GSDMD: variants seen among roughly 807,000 people sequenced by gnomAD.
The protein encoded by GSDMD is gasdermin-D.
Under a neutral mutation model 46.7 loss-of-function variants are expected in GSDMD, and 46 were observed. That is an observed-to-expected ratio of 0.99 (90% CI 0.78 to 1.26). The LOEUF (loss-of-function observed/expected upper bound fraction) is 1.26, where lower values mean the gene tolerates loss of function less well. Among genes scored for constraint, GSDMD ranks in the 50% most tolerant of loss-of-function variants. The pLI is 0.00. For missense variants in GSDMD, 649 were observed against 638.8 expected, an observed-to-expected ratio of 1.02 and a Z score of -0.17; for synonymous variants, 307 against 283.1, an observed-to-expected ratio of 1.08 and a Z score of -0.85.
chr8:143,560,318 C>T, intron 3 of GSDMD: 1 of 688,460 alleles, frequency 1.5e-6, no homozygotes, highest in Non-Finnish European at 2.7e-6. Context: ...ATCCTAAGGA[C>T]CGGACTGAGC....
chr8:143,556,656 G>C (rs759302010), upstream of GSDMD, among the ~76,000 whole-genome samples: 1 of 151,952 alleles, frequency 6.6e-6, no homozygotes, highest in Non-Finnish European at 1.5e-5. Flanking sequence ...GAGTGGGGCC[G>C]AAGCCCAAGT....
intron 1 of GSDMD, chr8:143,558,863 G>C (rs749331711): frequency 2.0e-5 from 10 of 512,564 alleles, no homozygotes; most frequent in South Asian, 1.6e-4. Flanking sequence ...GCCTTGGACA[G>C]GTGGCTCATG....
rs770681544 is a variant in GSDMD at position 143,559,720 on chromosome 8, T to G, written c.218-57T>G. ...TGCCCTGGGGCTGGGACAGGGCTGG[T>G]GGGGGCGGGGGAGAGGCGGGGCGCT... is the stretch of plus-strand genomic sequence containing the variant. On this transcript the variant is annotated intron_variant, in intron 2 of 10. Coordinates refer to ENST00000262580, the MANE Select transcript of GSDMD (RefSeq NM_024736.7). The G allele has an allele frequency of 1.5e-3, 2,265 of 1,510,534 alleles. 3 individuals are homozygous for G. Among genetic ancestry groups the G allele is most frequent in the Non-Finnish European group, 1.8e-3 (2,044 of 1,119,574 alleles). The allele number at this position is 1,510,534 out of a possible 1,614,324, so 93.6% of individuals were successfully genotyped here.
Position 143,561,122 on chromosome 8 carries a change from G to A in GSDMD, c.682+18G>A, listed in dbSNP as rs769297026. On this transcript the variant is annotated intron_variant, in intron 5 of 10. Transcript: ENST00000262580. ...TGACTTGGGTGAGCTGGAGTTGGGG[G>A]TGTCTCGGGCCCAGGCCCTGGCAGA... 191 of 1,606,012 alleles carry A rather than the reference G, an allele frequency of 1.2e-4. No individual in the cohort carries two copies. The Admixed American group carries it at 1.9e-3, about 16-fold the overall frequency.
In GSDMD at chr8:143,562,983, GGA is replaced by G. The variant is rs779203659; in HGVS notation, c.*81_*82del. Reference sequence around the variant, plus strand: ...CCAGCTGCTAGCCCTAGGAAGGCCAGGAGCCCAGTAGCCATGTGGCCAGTCTA... The same window carrying G: ...CCAGCTGCTAGCCCTAGGAAGGCCAGGCCCAGTAGCCATGTGGCCAGTCTA... On this transcript the variant is annotated 3_prime_UTR_variant, in exon 11 of 11. Transcript: ENST00000262580. 1 of 1,581,446 alleles carries G rather than the reference GGA, an allele frequency of 6.3e-7. No homozygotes were observed. The highest frequency in any genetic ancestry group is 8.6e-7 in the Non-Finnish European group (1 of 1,165,070).
At chr8:143,554,795 C>T (rs1034728595), upstream of GSDMD, among the ~76,000 whole-genome samples, 3 of 152,238 alleles carry the variant, frequency 2.0e-5, no homozygotes, top group East Asian at 1.9e-4. Context: ...TGCATACACA[C>T]GCGCACAAAC....
At chr8:143,557,904 T>C (rs1381170031), upstream of GSDMD, 21 of 445,322 alleles carry the variant, frequency 4.7e-5, no homozygotes, top group African/African-American at 3.8e-4. Context: ...TGTTTGCTTG[T>C]TTGTTTTTGA....
rs145248129 is a variant in GSDMD, at chr8:143,559,417, C to T, written c.82C>T (p.Leu28=). ...TGGGGAGTTCATCCCTGTGACCAGC[C>T]TGCAGAGCTCCACTGGCTTCCAGCC... ...HGGEFIPVTS[L]QSSTGFQPYC... is the part of the protein sequence containing the mutation. Residue 28 remains leucine, a synonymous_variant, in exon 2 of 11, where the codon CTG becomes TTG. Coordinates refer to ENST00000262580, the MANE Select transcript of GSDMD (RefSeq NM_024736.7). 6.2e-6 allele frequency: 10 copies of T among 1,612,844 alleles called. No homozygotes were observed. The African/African-American group carries it at 8.0e-5, about 13-fold the overall frequency.
Position 143,561,377 on chromosome 8 carries a change from T to C in GSDMD, c.690T>C (p.Leu230=), listed in dbSNP as rs1476404309. The C allele has an allele frequency of 6.2e-7, 1 of 1,609,666 alleles. No homozygotes were observed. The highest frequency in any genetic ancestry group is 2.2e-5 in the East Asian group (1 of 44,858). ...QLVIDSDLDV[L]LFPDKKQRTF... ...CTCCCGTCTGGCTGCCAGACGTCCT[T>C]CTCTTCCCGGATAAGAAGCAGAGGA... Residue 230 remains leucine, a synonymous_variant, in exon 6 of 11, where the codon CTT becomes CTC. Transcript: ENST00000262580.
intron 6 of GSDMD, 93 bp from the exon 7 acceptor site, chr8:143,561,649 G>A: frequency 1.8e-6 from 2 of 1,116,208 alleles, no homozygotes; most frequent in Non-Finnish European, 2.6e-6. Context: ...TGGTGAGCGG[G>A]GCTGTGACGG....
upstream of GSDMD, chr8:143,558,269 G>A (rs1287718531): frequency 2.7e-6 from 4 of 1,456,164 alleles, no homozygotes; most frequent in East Asian, 2.7e-5. Context: ...GGCGGGAAGA[G>A]GGGGCAGGAA....
chr8:143,557,255 G>A (rs896919367), upstream of GSDMD, among the ~76,000 whole-genome samples: 6 of 150,930 alleles, frequency 4.0e-5, no homozygotes, highest in African/African-American at 9.8e-5. Flanking sequence ...GTCTATGCAC[G>A]CCTCAGTGGA....
At chr8:143,556,889 A>G (rs1256701358), upstream of GSDMD, among the ~76,000 whole-genome samples, 1 of 152,254 alleles carries the variant, frequency 6.6e-6, no homozygotes, top group Non-Finnish European at 1.5e-5. Flanking sequence ...ATCCATTTAA[A>G]GTGTGCAATT....
In GSDMD at chr8:143,558,406, G is replaced by A; in HGVS notation, c.-50G>A. On this transcript the variant is annotated 5_prime_UTR_variant, in exon 1 of 11. Transcript: ENST00000262580. Reference sequence around the variant, plus strand: ...CTGCTCGCCGGACGGCTCCCAGGGAGAGCAGACGCGCCAGACGCGCCACCC... The same window carrying A: ...CTGCTCGCCGGACGGCTCCCAGGGAAAGCAGACGCGCCAGACGCGCCACCC... 1.3e-6 allele frequency: 2 copies of A among 1,512,178 alleles called. No individual in the cohort carries two copies. Among genetic ancestry groups the A allele is most frequent in the Non-Finnish European group, 1.8e-6 (2 of 1,136,948 alleles). 93.7% of individuals were successfully genotyped at this position (1,512,178 alleles called of 1,614,324 possible).
rs1341962217 is a variant in GSDMD at position 143,559,815 on chromosome 8, A to G, written c.256A>G (p.Met86Val). Residue 86 changes from methionine (M) to valine (V), a missense_variant, in exon 3 of 11, where the codon ATG becomes GTG. Met to Val is a conservative substitution (Grantham distance 21). Transcript: ENST00000262580. ...CAGGAGCTTCCACTTCTACGATGCC[A>G]TGGATGGGCAGATACAGGGCAGCGT... ...RGRSFHFYDA[M>V]DGQIQGSVEL... 5.6e-6 allele frequency: 9 copies of G among 1,609,980 alleles called. No individual in the cohort carries two copies. Among genetic ancestry groups the G allele is most frequent in the Non-Finnish European group, 7.6e-6 (9 of 1,178,592 alleles).
At chr8:143,560,809 G>A (rs1446196796) in intron 4 of GSDMD, 38 bp downstream of exon 4, 105 of 1,487,044 alleles carry the variant, frequency 7.1e-5, no homozygotes, top group Admixed American at 2.3e-4. Flanking sequence ...GGCCCCCCAC[G>A]TGGGCATGCG....
upstream of GSDMD, among the ~76,000 whole-genome samples, chr8:143,554,661 C>T (rs990485569): frequency 3.3e-5 from 5 of 149,642 alleles, no homozygotes; most frequent in Admixed American, 6.7e-5. Flanking sequence ...CACGTGCATA[C>T]ACACGTGCAC....
intron 1 of GSDMD, 52 bp from the exon 2 acceptor site, chr8:143,559,280 T>TGGGGG: frequency 1.7e-6 from 1 of 579,430 alleles, no homozygotes. Flanking sequence ...CTTCTCCCAC[T>TGGGGG]CCCTCCCGCC....
chr8:143,561,604 C>A, intron 6 of GSDMD, 138 bp from the exon 7 acceptor site: 1 of 922,996 alleles, frequency 1.1e-6, no homozygotes. Context: ...GCCTCCCCAG[C>A]CTCCCTTCCT....
Sources: gnomAD v4.1 joint callset for allele counts (sites outside exome capture counted in the v4.1 genomes callset) on GRCh38, gnomAD v4.1.1 for gene constraint, MANE v1.5 for transcripts, NCBI Gene and HGNC (gene_info 2026-07-23, HGNC 2026-07-21) for gene names.